Variants in ALDH9A1 observed in about 807,000 individuals in gnomAD.
The protein encoded by ALDH9A1 is 4-trimethylaminobutyraldehyde dehydrogenase.
Under a neutral mutation model 56.6 loss-of-function variants are expected in ALDH9A1, and 42 were observed. That is an observed-to-expected ratio of 0.74 (90% CI 0.58 to 0.96). The LOEUF is 0.96. ALDH9A1 is among the 40% of genes least tolerant of loss of function. The pLI, the probability that ALDH9A1 is intolerant of heterozygous loss-of-function variation, is 0.00. For missense variants in ALDH9A1, 661 were observed against 651.5 expected (o/e 1.01, Z -0.16); for synonymous variants, 242 against 236.0 (o/e 1.03, Z -0.23).
At chr1:165,679,420 T>A (rs2101746246) in intron 6 of ALDH9A1, 22 bp downstream of exon 6, 1 of 1,613,016 alleles carries the variant, frequency 6.2e-7, no homozygotes, top group East Asian at 2.2e-5. Context: ...CTTTTACACC[T>A]CTTCCAGGGA....
intron 1 of ALDH9A1, among the ~76,000 whole-genome samples, chr1:165,696,794 T>C (rs903431655): frequency 2.0e-5 from 3 of 152,332 alleles, no homozygotes; most frequent in African/African-American, 7.2e-5. Context: ...TGTTACAAAC[T>C]TGAATAGCCA....
At chr1:165,673,656 C>T (rs1048689779) in intron 6 of ALDH9A1, among the ~76,000 whole-genome samples, 16 of 152,180 alleles carry the variant, frequency 1.1e-4, no homozygotes, top group African/African-American at 3.6e-4. Context: ...CTCACCCTGA[C>T]GCTTTCTGAC....
chr1:165,666,286 G>C (rs995841460), intron 9 of ALDH9A1, among the ~76,000 whole-genome samples: 4 of 152,156 alleles, frequency 2.6e-5, no homozygotes, highest in African/African-American at 9.7e-5. Context: ...TGGGCACAAG[G>C]TTTCTTCTTG....
chr1:165,688,416 T>C lies in ALDH9A1; in HGVS notation c.328-5306A>G, dbSNP rs185517710. Among the ~76,000 whole-genome samples the C allele has an allele frequency of 1.9e-3, 296 of 152,354 alleles. 3 individuals carry two copies. The highest frequency in any genetic ancestry group is 6.9e-3 in the African/African-American group (288 of 41,590). On this transcript the variant is annotated intron_variant, in intron 2 of 10. Coordinates refer to ENST00000354775, the MANE Select transcript of ALDH9A1 (RefSeq NM_000696.4). ...TATCTGGGTCTACACAAATGACTTA[T>C]GAGCACCAGAAATGGTAAATATGTG...
At chr1:165,695,476 TTAG>T (rs1410912307) in intron 1 of ALDH9A1, 79 bp from the exon 2 acceptor site, 6 of 1,127,168 alleles carry the variant, frequency 5.3e-6, no homozygotes, top group South Asian at 2.0e-5. Flanking sequence ...CAATATTCTC[TTAG>T]TAGTAGTCTT....
intron 2 of ALDH9A1, among the ~76,000 whole-genome samples, chr1:165,685,036 G>A (rs1470140186): frequency 6.6e-6 from 1 of 152,162 alleles, no homozygotes; most frequent in Non-Finnish European, 1.5e-5. Context: ...GAGATCTTCT[G>A]ATATAGTACG....
rs1253581376 is a variant in ALDH9A1, at chr1:165,698,358, C to T, written c.181+20G>A. On this transcript the variant is annotated intron_variant, in intron 1 of 10. Coordinates refer to ENST00000354775, the MANE Select transcript of ALDH9A1 (RefSeq NM_000696.4). ...ATCCGGCCCCAGGGCGCCCCAGCCT[C>T]CCCGGCTCGTTGCAGTTACCGGTTG... The T allele has an allele frequency of 1.3e-6, 2 of 1,583,112 alleles. No individual in the cohort carries two copies. The highest frequency in any genetic ancestry group is 1.4e-5 in the African/African-American group (1 of 72,438).
At chr1:165,687,043 A>C (rs183102471) in intron 2 of ALDH9A1, among the ~76,000 whole-genome samples, 1 of 152,348 alleles carries the variant, frequency 6.6e-6, no homozygotes, top group Admixed American at 6.5e-5. Context: ...AGATGAAAAT[A>C]CACTAGATGA....
In ALDH9A1 at chr1:165,693,308, T is replaced by G. The variant is rs1649955233; in HGVS notation, c.327+1944A>C. On this transcript the variant is annotated intron_variant, in intron 2 of 10. Transcript: ENST00000354775. ...ACAGAATGGGAGAAAATTTTTGTAA[T>G]CTACCCATCTGACAGAGGGTTAATA... 2.0e-5 allele frequency among the ~76,000 whole-genome samples: 3 copies of G among 152,298 alleles called. No individual in the cohort carries two copies. In the South Asian group the frequency reaches 6.2e-4, roughly 32 times the overall value.
intron 2 of ALDH9A1, among the ~76,000 whole-genome samples, chr1:165,688,629 G>A (rs1003002795): frequency 6.6e-6 from 1 of 152,114 alleles, no homozygotes; most frequent in Non-Finnish European, 1.5e-5. Flanking sequence ...GATCCCTTGA[G>A]CCCAGGAGGT....
intron 5 of ALDH9A1, 53 bp from the exon 6 acceptor site, chr1:165,679,635 G>C: frequency 6.3e-7 from 1 of 1,599,156 alleles, no homozygotes; most frequent in South Asian, 1.1e-5. Context: ...TATATTGCAT[G>C]CTAAGTCAAC....
At chr1:165,671,895 G>A (rs139089500) in intron 6 of ALDH9A1, among the ~76,000 whole-genome samples, 96 of 152,186 alleles carry the variant, frequency 6.3e-4, no homozygotes, top group African/African-American at 2.2e-3. Flanking sequence ...ACCACAATGA[G>A]ATACCACTTC....
At chr1:165,679,205 T>G (rs1432727821) in intron 6 of ALDH9A1, among the ~76,000 whole-genome samples, 1 of 152,226 alleles carries the variant, frequency 6.6e-6, no homozygotes, top group Non-Finnish European at 1.5e-5. Context: ...ACTCTCAAGG[T>G]TCAGAAAAAC....
chr1:165,678,362 T>C (rs1278873035), intron 6 of ALDH9A1, among the ~76,000 whole-genome samples: 1 of 151,702 alleles, frequency 6.6e-6, no homozygotes, highest in Non-Finnish European at 1.5e-5. Context: ...TAAATAAAAA[T>C]AAAAAATAAA....
chr1:165,684,089 A>G (rs956762380), intron 2 of ALDH9A1, among the ~76,000 whole-genome samples: 1 of 152,220 alleles, frequency 6.6e-6, no homozygotes, highest in African/African-American at 2.4e-5. Context: ...AAAGCTCAGA[A>G]AAGATGAAAG....
At chr1:165,695,193 A>T in intron 2 of ALDH9A1, 59 bp downstream of exon 2, 1 of 1,512,968 alleles carries the variant, frequency 6.6e-7, no homozygotes, top group African/African-American at 1.4e-5. Flanking sequence ...AACTGCAAAC[A>T]TCACAAAGAA....
rs780713433 is a variant in ALDH9A1, at chr1:165,663,162, G to T, written c.1463-18C>A. The stretch of plus-strand genomic sequence containing the variant: ...GCCAAATCCTGAAAGGAGGAGAAGG[G>T]GTCAGGTTGAGCCATCACTACAATA... On this transcript the variant is annotated intron_variant, in intron 10 of 10. Coordinates refer to ENST00000354775, the MANE Select transcript of ALDH9A1 (RefSeq NM_000696.4). 2.9e-5 allele frequency: 47 copies of T among 1,604,446 alleles called. No homozygotes were observed. The highest frequency in any genetic ancestry group is 1.3e-5 in the African/African-American group (1 of 74,656).
intron 2 of ALDH9A1, among the ~76,000 whole-genome samples, chr1:165,684,518 C>T (rs866255140): frequency 4.6e-5 from 7 of 152,162 alleles, no homozygotes; most frequent in Non-Finnish European, 7.3e-5. Context: ...TCAATTCTTA[C>T]ACCAAGCATA....
chr1:165,663,818 G>GA (rs1215638846), intron 10 of ALDH9A1, among the ~76,000 whole-genome samples: 1 of 152,210 alleles, frequency 6.6e-6, no homozygotes. Flanking sequence ...AAGGTCCTGG[G>GA]AAAACCTCAC....
Sources: gnomAD v4.1 joint callset for allele counts (sites outside exome capture counted in the v4.1 genomes callset) on GRCh38, gnomAD v4.1.1 for gene constraint, MANE v1.5 for transcripts, NCBI Gene and HGNC (gene_info 2026-07-23, HGNC 2026-07-21) for gene names.